The following PRKG1 variants were observed in gnomAD, a reference collection of about 807,000 sequenced individuals.
PRKG1 encodes the protein cGMP-dependent protein kinase 1.
A neutral mutation model predicts 88.1 loss-of-function variants in PRKG1; 35 were observed. The ratio of observed to expected loss-of-function variants is 0.40; its 90% CI spans 0.30 to 0.53. PRKG1 has a LOEUF of 0.53. PRKG1 is among the 20% of genes least tolerant of loss of function. The probability of loss-of-function intolerance (pLI) is 0.59; values close to 1 mark genes in which losing one functional copy is unlikely to be tolerated. For synonymous variants in PRKG1, 303 were observed against 292.5 expected (o/e 1.04, Z -0.37); for missense variants, 540 against 839.8 (o/e 0.64, Z 4.41).
At chr10:51,930,492 CCT>C (rs1564713478) in intron 5 of PRKG1, among the ~76,000 whole-genome samples, 3 of 99,874 alleles carry the variant, frequency 3.0e-5, no homozygotes, top group Admixed American at 1.0e-4. Flanking sequence ...CTTTTTTTTT[CCT>C]CTTTTTTTTT....
At chr10:52,047,411 T>C (rs555943677) in intron 5 of PRKG1, among the ~76,000 whole-genome samples, 3 of 152,262 alleles carry the variant, frequency 2.0e-5, no homozygotes, top group Admixed American at 1.3e-4. Context: ...TGACCATGGA[T>C]TGGAGATCAG....
intron 2 of PRKG1, among the ~76,000 whole-genome samples, chr10:51,316,705 T>C (rs1841330791): frequency 6.6e-6 from 1 of 151,666 alleles, no homozygotes; most frequent in South Asian, 2.1e-4. Context: ...AATAAATAAA[T>C]AAATAAAAAG....
chr10:51,689,459 G>C (rs959747066), intron 3 of PRKG1, among the ~76,000 whole-genome samples: 2 of 152,078 alleles, frequency 1.3e-5, no homozygotes, highest in Admixed American at 6.6e-5. Context: ...TATAACATGG[G>C]CATAATGAAG....
chr10:51,195,484 G>C (rs1335674519), intron 2 of PRKG1, among the ~76,000 whole-genome samples: 1 of 152,094 alleles, frequency 6.6e-6, no homozygotes, highest in Non-Finnish European at 1.5e-5. Flanking sequence ...AACAAGGTTG[G>C]TTATTTTCAG....
intron 6 of PRKG1, among the ~76,000 whole-genome samples, chr10:52,054,791 A>G (rs1279285458): frequency 6.6e-6 from 1 of 152,122 alleles, no homozygotes; most frequent in Non-Finnish European, 1.5e-5. Context: ...ATTAGATGAC[A>G]CTGATATATT....
chr10:51,143,972 G>C (rs936340309), intron 1 of PRKG1, among the ~76,000 whole-genome samples: 3 of 151,794 alleles, frequency 2.0e-5, no homozygotes, highest in Non-Finnish European at 4.4e-5. Flanking sequence ...GGCTTTTTTT[G>C]ATGTAATCAT....
chr10:51,593,723 G>A (rs1348320805), intron 3 of PRKG1, among the ~76,000 whole-genome samples: 1 of 149,756 alleles, frequency 6.7e-6, no homozygotes, highest in Non-Finnish European at 1.5e-5. Flanking sequence ...CCAAAAGGAA[G>A]GCAGTTCCTT....
intron 9 of PRKG1, among the ~76,000 whole-genome samples, chr10:52,210,453 C>A (rs1416866818): frequency 1.3e-5 from 2 of 152,052 alleles, no homozygotes; most frequent in African/African-American, 4.8e-5. Context: ...AAATATTTTC[C>A]ACAAACTCAC....
At chr10:52,073,101 T>G (rs1846542205) in intron 7 of PRKG1, among the ~76,000 whole-genome samples, 1 of 152,194 alleles carries the variant, frequency 6.6e-6, no homozygotes, top group South Asian at 2.1e-4. Flanking sequence ...CCTTGGCATT[T>G]TTTGTCTTGG....
intron 3 of PRKG1, among the ~76,000 whole-genome samples, chr10:51,554,675 G>C (rs561048223): frequency 7.5e-6 from 1 of 133,718 alleles, no homozygotes; most frequent in Admixed American, 7.8e-5. Context: ...CCCTCTATTA[G>C]ACTATGTGCA....
intron 2 of PRKG1, among the ~76,000 whole-genome samples, chr10:51,357,038 C>T (rs753666876): frequency 4.7e-4 from 72 of 151,902 alleles, no homozygotes; most frequent in Non-Finnish European, 7.2e-4. Context: ...ACTGTGGTGG[C>T]CCAGGATGTA....
At chr10:51,266,928 G>A (rs933344632) in intron 2 of PRKG1, among the ~76,000 whole-genome samples, 2 of 151,530 alleles carry the variant, frequency 1.3e-5, no homozygotes, top group Non-Finnish European at 2.9e-5. Context: ...ACCTATCATA[G>A]GATCTGATTT....
At chr10:51,618,606 A>G (rs1363492178) in intron 3 of PRKG1, among the ~76,000 whole-genome samples, 3 of 152,210 alleles carry the variant, frequency 2.0e-5, no homozygotes, top group Admixed American at 2.0e-4. Flanking sequence ...CCTACTTCAC[A>G]GATTAAGAAA....
chr10:51,350,166 G>A (rs1842208824), intron 2 of PRKG1, among the ~76,000 whole-genome samples: 1 of 152,160 alleles, frequency 6.6e-6, no homozygotes, highest in African/African-American at 2.4e-5. Flanking sequence ...CACAAGTGGA[G>A]CTGGACCAGT....
Position 52,295,323 on chromosome 10 carries a change from A to G in PRKG1, c.*1423A>G, listed in dbSNP as rs1174077323. 1.3e-5 allele frequency: 2 copies of G among 152,034 alleles called. No individual in the cohort carries two copies. The highest frequency in any genetic ancestry group is 6.6e-5 in the Admixed American group (1 of 15,222). 9.4% of individuals were successfully genotyped at this position (152,034 alleles called of 1,614,324 possible). ...GAAAGCAGTACAGAGGAAAACAGGA[A>G]CCTGATTTTTTTAAAATAAATTTTA... On this transcript the variant is annotated 3_prime_UTR_variant, in exon 18 of 18. Transcript: ENST00000373980.
intron 3 of PRKG1, among the ~76,000 whole-genome samples, chr10:51,671,764 T>A (rs1218254962): frequency 6.6e-6 from 1 of 152,126 alleles, no homozygotes; most frequent in Non-Finnish European, 1.5e-5. Flanking sequence ...TTTTTTGTAT[T>A]TTTTGTAGGG....
At chr10:51,355,342 A>C (rs1222698483) in intron 2 of PRKG1, among the ~76,000 whole-genome samples, 3 of 152,046 alleles carry the variant, frequency 2.0e-5, no homozygotes, top group Non-Finnish European at 4.4e-5. Flanking sequence ...ATATTTTTAA[A>C]GGATGATTTT....
intron 3 of PRKG1, among the ~76,000 whole-genome samples, chr10:51,686,092 C>T (rs760065277): frequency 3.9e-5 from 6 of 152,060 alleles, no homozygotes; most frequent in Non-Finnish European, 5.9e-5. Flanking sequence ...TTCCTCTACC[C>T]GGAATAATCC....
chr10:51,003,822 A>G (rs1003729942), intron 1 of PRKG1, among the ~76,000 whole-genome samples: 6 of 152,320 alleles, frequency 3.9e-5, no homozygotes, highest in Middle Eastern at 6.8e-3. Flanking sequence ...AAATAATTCC[A>G]TAACACTCCT....
Sources: gnomAD v4.1 joint callset for allele counts (sites outside exome capture counted in the v4.1 genomes callset) on GRCh38, gnomAD v4.1.1 for gene constraint, MANE v1.5 for transcripts, NCBI Gene and HGNC (gene_info 2026-07-23, HGNC 2026-07-21) for gene names.